The following INPP4B variants were observed in gnomAD, a reference collection of about 807,000 sequenced individuals.
The protein encoded by INPP4B is inositol polyphosphate 4-phosphatase type II.
Under a neutral mutation model 122.5 loss-of-function variants are expected in INPP4B, and 55 were observed. The ratio of observed to expected loss-of-function variants is 0.45; its 90% CI spans 0.36 to 0.56. The LOEUF (loss-of-function observed/expected upper bound fraction) is 0.56, where lower values mean the gene tolerates loss of function less well. Ranked by LOEUF, INPP4B falls within the 20% of genes least tolerant of loss-of-function variation. The pLI, the probability that INPP4B is intolerant of heterozygous loss-of-function variation, is 0.00. For synonymous variants in INPP4B, 403 were observed against 388.7 expected (o/e 1.04, Z -0.43); for missense variants, 1,000 against 1,097.7 (o/e 0.91, Z 1.26).
intron 2 of INPP4B, among the ~76,000 whole-genome samples, chr4:142,475,308 AAAAAC>A (rs1303515831): frequency 1.3e-5 from 2 of 152,078 alleles, no homozygotes; most frequent in East Asian, 3.9e-4. Flanking sequence ...AAAACAAAAC[AAAAAC>A]AAAACAAAAC....
chr4:142,617,121 T>C (rs533805779), intron 2 of INPP4B, among the ~76,000 whole-genome samples: 3 of 152,202 alleles, frequency 2.0e-5, no homozygotes, highest in East Asian at 3.9e-4. Flanking sequence ...AAATAAACCC[T>C]CTATTTGCTC....
At chr4:142,621,610 A>C (rs1480529602) in intron 2 of INPP4B, among the ~76,000 whole-genome samples, 2 of 151,910 alleles carry the variant, frequency 1.3e-5, no homozygotes, top group Non-Finnish European at 2.9e-5. Flanking sequence ...CTCTCTTCTC[A>C]CTCTGAGAGA....
chr4:142,742,362 C>T (rs1768029660), intron 1 of INPP4B, among the ~76,000 whole-genome samples: 1 of 152,012 alleles, frequency 6.6e-6, no homozygotes, highest in Admixed American at 6.6e-5. Flanking sequence ...TGCAATTTTC[C>T]TGCTCTATCT....
At chr4:142,483,494 T>C (rs547211620) in intron 2 of INPP4B, among the ~76,000 whole-genome samples, 1 of 152,204 alleles carries the variant, frequency 6.6e-6, no homozygotes, top group East Asian at 1.9e-4. Flanking sequence ...TTTTCATTTT[T>C]GCATCATAGT....
chr4:142,582,982 A>C (rs1185103286), intron 2 of INPP4B, among the ~76,000 whole-genome samples: 1 of 152,140 alleles, frequency 6.6e-6, no homozygotes, highest in Admixed American at 6.6e-5. Flanking sequence ...ATTGAGTTTT[A>C]TATATGAAAT....
At chr4:142,471,082 G>C (rs6837163) in intron 2 of INPP4B, among the ~76,000 whole-genome samples, 54 of 151,912 alleles carry the variant, frequency 3.6e-4, no homozygotes, top group African/African-American at 1.3e-3. Flanking sequence ...GTAAAACTCC[G>C]TGTAAAATTC....
rs559278308 is a variant in INPP4B, at chr4:142,764,344, C to T, written c.-253-38443G>A. 1.5e-4 allele frequency among the ~76,000 whole-genome samples: 23 copies of T among 152,176 alleles called. 1 individual carries two copies. The South Asian group carries it at 4.6e-3, about 30-fold the overall frequency. Reference sequence around the variant, plus strand: ...TATATGAATGAACACATACATCAAACAGATACTGAAATCCTCAAAGGTCAT... The same window carrying T: ...TATATGAATGAACACATACATCAAATAGATACTGAAATCCTCAAAGGTCAT... On this transcript the variant is annotated intron_variant, in intron 1 of 25. Transcript: ENST00000262992.
chr4:142,204,796 G>T (rs538905949), intron 14 of INPP4B, among the ~76,000 whole-genome samples: 1 of 151,988 alleles, frequency 6.6e-6, no homozygotes. Flanking sequence ...AGGAAGGGAC[G>T]AGGAAGGATT....
At chr4:142,029,347 T>C in intron 25 of INPP4B, 1 of 984,888 alleles carries the variant, frequency 1.0e-6, no homozygotes, top group South Asian at 4.7e-5. Context: ...CCTATAGATT[T>C]TTAAAGAAAA....
intron 23 of INPP4B, among the ~76,000 whole-genome samples, chr4:142,104,284 G>A (rs909809688): frequency 2.0e-5 from 3 of 152,084 alleles, no homozygotes; most frequent in South Asian, 2.1e-4. Flanking sequence ...CTTTAAACAC[G>A]GAGCAGTTTG....
intron 7 of INPP4B, among the ~76,000 whole-genome samples, chr4:142,375,433 A>C (rs1434103609): frequency 6.6e-6 from 1 of 151,796 alleles, no homozygotes; most frequent in Non-Finnish European, 1.5e-5. Flanking sequence ...TTCTGTAAGG[A>C]TGCCTCCCAA....
intron 2 of INPP4B, among the ~76,000 whole-genome samples, chr4:142,600,693 A>G (rs1303225576): frequency 6.6e-6 from 1 of 152,190 alleles, no homozygotes; most frequent in Non-Finnish European, 1.5e-5. Context: ...AAAACCTCAC[A>G]TATCAATAAC....
At chr4:142,601,001 C>A (rs1023784241) in intron 2 of INPP4B, among the ~76,000 whole-genome samples, 11 of 152,100 alleles carry the variant, frequency 7.2e-5, no homozygotes, top group African/African-American at 2.4e-4. Context: ...TACAAAAATT[C>A]TAAATATATA....
At chr4:142,334,517 G>A (rs773279660) in intron 7 of INPP4B, among the ~76,000 whole-genome samples, 18 of 152,046 alleles carry the variant, frequency 1.2e-4, no homozygotes, top group Admixed American at 7.2e-4. Context: ...TTAAATTTTT[G>A]AGGAACCCCC....
intron 3 of INPP4B, among the ~76,000 whole-genome samples, chr4:142,459,485 G>A (rs1328886528): frequency 6.6e-6 from 1 of 151,972 alleles, no homozygotes; most frequent in Non-Finnish European, 1.5e-5. Flanking sequence ...ATAGGGAAGA[G>A]AATATTGACA....
At chr4:142,594,848 G>A (rs777675130) in intron 2 of INPP4B, among the ~76,000 whole-genome samples, 12 of 151,454 alleles carry the variant, frequency 7.9e-5, no homozygotes, top group East Asian at 3.9e-4. Flanking sequence ...CCAGCTACTC[G>A]GGAGGTTGAG....
At chr4:142,732,974 T>A (rs1218899188) in intron 1 of INPP4B, among the ~76,000 whole-genome samples, 1 of 152,016 alleles carries the variant, frequency 6.6e-6, no homozygotes, top group East Asian at 1.9e-4. Flanking sequence ...AAATCACATA[T>A]GAAACAAAAG....
chr4:142,384,327 G>T (rs146290951), intron 7 of INPP4B, among the ~76,000 whole-genome samples: 1 of 152,116 alleles, frequency 6.6e-6, no homozygotes, highest in Non-Finnish European at 1.5e-5. Flanking sequence ...TGAGAAATGC[G>T]TCATTAGGAG....
At chr4:142,331,691 G>T (rs888577308) in intron 7 of INPP4B, among the ~76,000 whole-genome samples, 1 of 152,110 alleles carries the variant, frequency 6.6e-6, no homozygotes, top group Non-Finnish European at 1.5e-5. Flanking sequence ...GGAAACTTTG[G>T]CCATGGGAAA....
Sources: gnomAD v4.1 joint callset for allele counts (sites outside exome capture counted in the v4.1 genomes callset) on GRCh38, gnomAD v4.1.1 for gene constraint, MANE v1.5 for transcripts, NCBI Gene and HGNC (gene_info 2026-07-23, HGNC 2026-07-21) for gene names.